The following HOMER2 variants were observed in gnomAD, a reference collection of about 807,000 sequenced individuals.
HOMER2 encodes the protein homer scaffold protein 2, also known as homer protein homolog 2.
In HOMER2, 27 loss-of-function variants were observed where a neutral mutation model predicts 47.0. That is an observed-to-expected ratio of 0.57 (90% CI 0.42 to 0.79). The LOEUF is 0.79. Ranked by LOEUF, HOMER2 falls within the 30% of genes least tolerant of loss-of-function variation. The pLI is 0.00. For synonymous variants in HOMER2, 161 were observed against 163.8 expected, an observed-to-expected ratio of 0.98 and a Z score of 0.13; for missense variants, 443 against 435.0, an observed-to-expected ratio of 1.02 and a Z score of -0.16.
Position 82,875,394 on chromosome 15 carries a change from T to C in HOMER2, c.173A>G (p.Asn58Ser). The C allele has an allele frequency of 1.2e-6, 2 of 1,613,902 alleles. No homozygotes were observed. Among genetic ancestry groups the C allele is most frequent in the East Asian group, 2.2e-5 (1 of 44,880 alleles). Reference protein sequence around the residue: ...ISVDGAKVIINSTITPNMTFT... With the variant: ...ISVDGAKVIISSTITPNMTFT... Reference sequence around the variant, plus strand: ...GGTCATATTCGGTGTGATTGTGCTGTTTATGATCACCTGCAGAAAAACAGC... The same window carrying C: ...GGTCATATTCGGTGTGATTGTGCTGCTTATGATCACCTGCAGAAAAACAGC... Residue 58 changes from asparagine to serine, a missense_variant, in exon 3 of 9, where the codon AAC (asparagine) becomes AGC (serine). Physicochemically the swap from Asn to Ser is conservative, Grantham distance 46. Transcript: ENST00000450735.
chr15:82,880,836 A>C (rs1037477050), intron 2 of HOMER2, among the ~76,000 whole-genome samples: 1 of 152,178 alleles, frequency 6.6e-6, no homozygotes, highest in Non-Finnish European at 1.5e-5. Flanking sequence ...TGACTTAAGG[A>C]AGCAACCAAG....
At chr15:82,930,912 G>A (rs919715420) in intron 1 of HOMER2, among the ~76,000 whole-genome samples, 2 of 150,636 alleles carry the variant, frequency 1.3e-5, no homozygotes, top group Non-Finnish European at 2.9e-5. Context: ...TGTAATCCCA[G>A]CTACTTGGGG....
intron 1 of HOMER2, among the ~76,000 whole-genome samples, chr15:82,911,450 A>G (rs572874624): frequency 1.3e-5 from 2 of 152,304 alleles, no homozygotes; most frequent in African/African-American, 2.4e-5. Context: ...GGTTTAGGGG[A>G]AAAAAAGCTG....
intron 1 of HOMER2, among the ~76,000 whole-genome samples, chr15:82,932,646 G>A (rs888859785): frequency 1.3e-5 from 2 of 152,048 alleles, no homozygotes; most frequent in African/African-American, 4.8e-5. Flanking sequence ...TCCCTAAGAT[G>A]AGAATTAATG....
exon 2 of HOMER2, chr15:82,842,165 A>G (rs1359177186): frequency 6.6e-6 from 1 of 152,228 alleles, no homozygotes; most frequent in Non-Finnish European, 1.5e-5. Context: ...AGATAGGCTG[A>G]GAAACATAAA....
intron 1 of HOMER2, among the ~76,000 whole-genome samples, chr15:82,950,958 AAG>A (rs895005266): frequency 6.6e-6 from 1 of 152,172 alleles, no homozygotes; most frequent in Non-Finnish European, 1.5e-5. Flanking sequence ...GAGGGCCAGA[AAG>A]AGAGTTAAAA....
At chr15:82,917,522 GAC>G (rs973531822) in intron 1 of HOMER2, among the ~76,000 whole-genome samples, 4 of 152,222 alleles carry the variant, frequency 2.6e-5, no homozygotes, top group African/African-American at 9.6e-5. Context: ...TGATACCAAA[GAC>G]ACATGCAGGA....
intron 1 of HOMER2, among the ~76,000 whole-genome samples, chr15:82,923,782 T>A (rs2053790181): frequency 6.6e-6 from 1 of 152,192 alleles, no homozygotes; most frequent in African/African-American, 2.4e-5. Flanking sequence ...GCCTGACAGC[T>A]GGAACCCTGG....
At chr15:82,860,815 T>C (rs967030063) in intron 4 of HOMER2, among the ~76,000 whole-genome samples, 1 of 151,944 alleles carries the variant, frequency 6.6e-6, no homozygotes, top group African/African-American at 2.4e-5. Context: ...CAGGCGCCTG[T>C]AATCCCAGCT....
chr15:82,852,051 G>T, intron 7 of HOMER2, 91 bp downstream of exon 7: 1 of 795,880 alleles, frequency 1.3e-6, no homozygotes, highest in East Asian at 2.6e-5. Flanking sequence ...CAGCTGCCAG[G>T]GCCAGTCATA....
At chr15:82,905,590 A>C (rs1219964814) in intron 1 of HOMER2, among the ~76,000 whole-genome samples, 1 of 152,238 alleles carries the variant, frequency 6.6e-6, no homozygotes, top group Non-Finnish European at 1.5e-5. Context: ...GAAACACCTT[A>C]CCTACAAAGG....
At chr15:82,848,055 A>AG (rs138924145), downstream of HOMER2, among the ~76,000 whole-genome samples, 126 of 152,238 alleles carry the variant, frequency 8.3e-4, no homozygotes, top group African/African-American at 2.6e-3. Flanking sequence ...ACCTTGCGGG[A>AG]GCTCCTCTAA....
At chr15:82,861,994 G>A (rs925826992) in intron 4 of HOMER2, among the ~76,000 whole-genome samples, 11 of 152,168 alleles carry the variant, frequency 7.2e-5, no homozygotes, top group African/African-American at 2.2e-4. Flanking sequence ...AGCTGAGATC[G>A]CGCCACTGCA....
At chr15:82,877,634 C>T (rs1351284747) in intron 2 of HOMER2, among the ~76,000 whole-genome samples, 4 of 152,128 alleles carry the variant, frequency 2.6e-5, no homozygotes, top group Admixed American at 6.5e-5. Flanking sequence ...ACATTACTGC[C>T]CCTCTTCTTT....
chr15:82,965,985 T>A (rs1386225793), intron 1 of HOMER2, among the ~76,000 whole-genome samples: 1 of 152,030 alleles, frequency 6.6e-6, no homozygotes, highest in Non-Finnish European at 1.5e-5. Context: ...TCCCTGCTAT[T>A]GGGGGATGAG....
chr15:82,840,376 G>A (rs1352508595), exon 2 of HOMER2: 1 of 152,120 alleles, frequency 6.6e-6, no homozygotes, highest in Non-Finnish European at 1.5e-5. Context: ...GAAAGCACAC[G>A]CAACATGGGA....
At chr15:82,903,090 T>C (rs964902134) in intron 1 of HOMER2, among the ~76,000 whole-genome samples, 1 of 152,200 alleles carries the variant, frequency 6.6e-6, no homozygotes, top group African/African-American at 2.4e-5. Context: ...GAACTACAAT[T>C]TAGAGGGATC....
chr15:82,854,828 CG>C, intron 5 of HOMER2, 28 bp from the exon 6 acceptor site: 1 of 1,596,404 alleles, frequency 6.3e-7, no homozygotes, highest in African/African-American at 1.3e-5. Flanking sequence ...GCGGTGACGA[CG>C]GGGTGGGTGC....
chr15:82,934,358 T>A (rs1380307125), intron 1 of HOMER2, among the ~76,000 whole-genome samples: 1 of 151,914 alleles, frequency 6.6e-6, no homozygotes, highest in East Asian at 1.9e-4. Context: ...CACCCTGGAC[T>A]CAGTTCCTCA....
Sources: allele counts gnomAD v4.1 joint callset (sites outside exome capture counted in the v4.1 genomes callset), GRCh38; gene constraint gnomAD v4.1.1; transcripts MANE v1.5; gene names NCBI Gene and HGNC (gene_info 2026-07-23, HGNC 2026-07-21).